Variants in HTR4 observed in about 807,000 individuals in gnomAD.
HTR4 encodes the protein 5-hydroxytryptamine (serotonin) receptor 4, G protein-coupled.
A neutral mutation model predicts 36.8 loss-of-function variants in HTR4; 16 were observed. The ratio of observed to expected loss-of-function variants is 0.43; its 90% CI spans 0.29 to 0.66. The LOEUF is 0.66. HTR4 is among the 30% of genes least tolerant of loss of function. HTR4 has a pLI of 0.13. For missense variants in HTR4, 438 were observed against 490.9 expected (o/e 0.89, Z 1.02); for synonymous variants, 189 against 185.1 (o/e 1.02, Z -0.17).
downstream of HTR4, among the ~76,000 whole-genome samples, chr5:148,477,970 C>T (rs943192549): frequency 3.3e-5 from 5 of 152,180 alleles, no homozygotes; most frequent in African/African-American, 7.2e-5. Flanking sequence ...CCCCCTTGCC[C>T]ATCTCTATTT....
chr5:148,634,975 G>T (rs1277940596), intron 2 of HTR4, among the ~76,000 whole-genome samples: 1 of 151,994 alleles, frequency 6.6e-6, no homozygotes, highest in Non-Finnish European at 1.5e-5. Context: ...TAGAAAAAGG[G>T]TGTCTAGACT....
chr5:148,481,532 A>G, downstream of HTR4: 1 of 1,515,644 alleles, frequency 6.6e-7, no homozygotes, highest in Non-Finnish European at 8.8e-7. Flanking sequence ...TAGGACAGAG[A>G]GGCTTTTTTT....
rs570355657 is a variant in HTR4 at position 148,618,411 on chromosome 5, G to A, written c.26+18578C>T. Among the ~76,000 whole-genome samples the A allele has an allele frequency of 5.9e-5, 9 of 152,294 alleles. No individual in the cohort carries two copies. In the South Asian group the frequency reaches 1.0e-3, roughly 18 times the overall value. On this transcript the variant is annotated intron_variant, in intron 2 of 6. Transcript: ENST00000377888. ...TCCAACCAGGCTCAGCTTATGGACCGTATCAACCAGCTTCTTTCCCTCTGG... is the reference window on the plus strand; with the variant it reads ...TCCAACCAGGCTCAGCTTATGGACCATATCAACCAGCTTCTTTCCCTCTGG...
At chr5:148,526,887 G>A (rs1040668959) in intron 4 of HTR4, among the ~76,000 whole-genome samples, 1 of 152,040 alleles carries the variant, frequency 6.6e-6, no homozygotes, top group African/African-American at 2.4e-5. Context: ...TAGTATGTAG[G>A]GGGAGTATGA....
rs1581496410 is a variant in HTR4 at position 148,575,203 on chromosome 5, T to C, written c.27-24941A>G. Among the ~76,000 whole-genome samples, 2 of 151,958 alleles carry C rather than the reference T, an allele frequency of 1.3e-5. 1 individual carries two copies. The highest frequency in any genetic ancestry group is 4.1e-4 in the South Asian group (2 of 4,828). ...GTGTAATCCTTAATAGAAGGAGAGG[T>C]AAGCATCCCCTGATCAATTACAAGA... On this transcript the variant is annotated intron_variant, in intron 2 of 6. Transcript: ENST00000377888.
chr5:148,591,193 T>A lies in HTR4; in HGVS notation c.27-40931A>T, dbSNP rs371966848. Among the ~76,000 whole-genome samples, 15 of 152,338 alleles carry A rather than the reference T, an allele frequency of 9.8e-5. No homozygotes were observed. In the South Asian group the frequency reaches 2.7e-3, roughly 27 times the overall value. On this transcript the variant is annotated intron_variant, in intron 2 of 6. Transcript: ENST00000377888. The stretch of plus-strand genomic sequence containing the variant: ...ATTATGTTCCATTGGTCCATGTGCA[T>A]GTTTTTGTATCAGTACTATTTTGTT...
chr5:148,600,346 TA>T (rs1193309833), intron 2 of HTR4, among the ~76,000 whole-genome samples: 40 of 126,808 alleles, frequency 3.2e-4, no homozygotes, highest in African/African-American at 1.0e-3. Flanking sequence ...TTTATATATA[TA>T]TATTTTTTTT....
At chr5:148,492,523 A>G (rs1756501730) in intron 6 of HTR4, among the ~76,000 whole-genome samples, 1 of 152,212 alleles carries the variant, frequency 6.6e-6, no homozygotes, top group South Asian at 2.1e-4. Context: ...TTCTTAAGAA[A>G]TTCTTATCAG....
Position 148,523,331 on chromosome 5 carries a change from G to A in HTR4, c.369C>T (p.Cys123=). The stretch of plus-strand genomic sequence containing the variant: ...TGTTCCTATAGACCAAAGGCTGGCA[G>A]CAGATGGCGTAATACCTGGAGAGAG... ...CISLDRYYAI[C]CQPLVYRNKM... The change falls in exon 5 of 7, where the codon TGC becomes TGT. Residue 123 remains cysteine, a synonymous_variant. Coordinates refer to ENST00000377888, the MANE Select transcript of HTR4 (RefSeq NM_000870.7). The A allele has an allele frequency of 1.2e-6, 2 of 1,610,010 alleles. No homozygotes were observed. Among genetic ancestry groups the A allele is most frequent in the South Asian group, 2.2e-5 (2 of 90,328 alleles).
At position 148,654,248 on chromosome 5, in the gene HTR4, C is replaced by A; in HGVS notation, c.-234G>T. 1 of 985,178 alleles carries A rather than the reference C, an allele frequency of 1.0e-6. No individual in the cohort carries two copies. Among genetic ancestry groups the A allele is most frequent in the Non-Finnish European group, 1.2e-6 (1 of 829,852 alleles). The allele number at this position is 985,178 out of a possible 1,614,324, so 61.0% of individuals were successfully genotyped here. A position where few individuals can be genotyped will look rare whatever the true frequency, so the allele number is the denominator to read the frequency against. On this transcript the variant is annotated 5_prime_UTR_variant, in exon 1 of 7. Coordinates refer to ENST00000377888, the MANE Select transcript of HTR4 (RefSeq NM_000870.7). ...GGAGCCGGCGAGCGTGAGGCGCGGG[C>A]CAGGGGCTGCGGGCGCAGGACCCCA... is the stretch of plus-strand genomic sequence containing the variant.
intron 4 of HTR4, among the ~76,000 whole-genome samples, chr5:148,547,556 T>A (rs1581457763): frequency 9.4e-6 from 1 of 105,896 alleles, no homozygotes. Context: ...TAAAATAAAA[T>A]AAAATAAAAT....
chr5:148,616,938 T>C (rs1752714467), intron 2 of HTR4, among the ~76,000 whole-genome samples: 1 of 152,242 alleles, frequency 6.6e-6, no homozygotes, highest in Non-Finnish European at 1.5e-5. Context: ...ATAACTCTAC[T>C]AATCTTATTG....
At chr5:148,560,688 G>A (rs1760167866) in intron 2 of HTR4, among the ~76,000 whole-genome samples, 1 of 152,146 alleles carries the variant, frequency 6.6e-6, no homozygotes, top group African/African-American at 2.4e-5. Flanking sequence ...ATCATGTGAT[G>A]TAATATCATG....
At chr5:148,520,711 G>A (rs936060447) in intron 5 of HTR4, among the ~76,000 whole-genome samples, 1 of 152,202 alleles carries the variant, frequency 6.6e-6, no homozygotes, top group Non-Finnish European at 1.5e-5. Flanking sequence ...TACATACATA[G>A]TAAGTGTTCA....
chr5:148,516,073 G>A (rs753900095), intron 5 of HTR4, among the ~76,000 whole-genome samples: 93 of 150,006 alleles, frequency 6.2e-4, no homozygotes, highest in Admixed American at 4.4e-3. Flanking sequence ...ATATCAGAAT[G>A]GTCTGTAATA....
At chr5:148,467,017 C>T (rs1451228791) in intron 5 of HTR4, among the ~76,000 whole-genome samples, 2 of 152,242 alleles carry the variant, frequency 1.3e-5, no homozygotes, top group Non-Finnish European at 2.9e-5. Context: ...TTTCAATGGG[C>T]TCTAGATAAT....
At chr5:148,532,790 G>A (rs185112304) in intron 4 of HTR4, among the ~76,000 whole-genome samples, 27 of 152,348 alleles carry the variant, frequency 1.8e-4, no homozygotes, top group East Asian at 1.9e-4. Context: ...ACTGGGGCAC[G>A]TCTCAGAGCA....
chr5:148,494,240 A>G (rs776994243), intron 6 of HTR4, among the ~76,000 whole-genome samples: 10 of 152,248 alleles, frequency 6.6e-5, no homozygotes, highest in Non-Finnish European at 1.2e-4. Context: ...TTTAACAAAT[A>G]TATTAATTGA....
intron 2 of HTR4, among the ~76,000 whole-genome samples, chr5:148,581,744 G>A (rs764875017): frequency 5.3e-5 from 8 of 152,052 alleles, no homozygotes; most frequent in African/African-American, 4.8e-5. Context: ...CTGTAGCTTT[G>A]TAATATATTC....
Sources: gnomAD v4.1 joint callset for allele counts (sites outside exome capture counted in the v4.1 genomes callset) on GRCh38, gnomAD v4.1.1 for gene constraint, MANE v1.5 for transcripts, NCBI Gene and HGNC (gene_info 2026-07-23, HGNC 2026-07-21) for gene names.